The following SGCZ variants were observed in gnomAD, a reference collection of about 807,000 sequenced individuals.
The protein encoded by SGCZ is sarcoglycan zeta.
SGCZ carries 40 observed loss-of-function variants against 41.3 expected under a neutral mutation model. The ratio of observed to expected loss-of-function variants is 0.97; its 90% CI spans 0.75 to 1.26. SGCZ has a LOEUF of 1.26. SGCZ is among the 50% of genes most tolerant of loss of function. The pLI is 0.00. For missense variants in SGCZ, 552 were observed against 369.8 expected, an observed-to-expected ratio of 1.49 and a Z score of -4.04; for synonymous variants, 206 against 137.5, an observed-to-expected ratio of 1.50 and a Z score of -3.49.
chr8:14,334,771 C>T (rs1802454858), intron 2 of SGCZ, among the ~76,000 whole-genome samples: 1 of 152,080 alleles, frequency 6.6e-6, no homozygotes, highest in African/African-American at 2.4e-5. Flanking sequence ...GTTATTTGTA[C>T]ACCCATAGAC....
intron 2 of SGCZ, among the ~76,000 whole-genome samples, chr8:14,334,451 C>A (rs1216236921): frequency 6.6e-6 from 1 of 152,020 alleles, no homozygotes; most frequent in East Asian, 1.9e-4. Flanking sequence ...CAAGTCCAGT[C>A]CTCTCACTCT....
intron 1 of SGCZ, among the ~76,000 whole-genome samples, chr8:15,056,656 G>C (rs968725591): frequency 6.6e-6 from 1 of 151,932 alleles, no homozygotes; most frequent in Admixed American, 6.6e-5. Context: ...CCTAAATAAA[G>C]TTTTCTGCCA....
At position 14,310,503 on chromosome 8, in the gene SGCZ, CT is replaced by C. The variant is rs199862688; in HGVS notation, c.336+13599del. 1.3e-4 allele frequency among the ~76,000 whole-genome samples: 20 copies of C among 151,926 alleles called. No individual in the cohort carries two copies. The East Asian group carries it at 1.5e-3, about 12-fold the overall frequency. On this transcript the variant is annotated intron_variant, in intron 3 of 7. Coordinates refer to ENST00000382080, the MANE Select transcript of SGCZ (RefSeq NM_139167.4). ...AGAATTAGTATGTCTGTTTTTGTAT[CT>C]TTTTTTTATTTTTATTATACTTTAA... is the stretch of plus-strand genomic sequence containing the variant.
intron 1 of SGCZ, among the ~76,000 whole-genome samples, chr8:14,849,843 A>G (rs1247013038): frequency 6.6e-6 from 1 of 152,232 alleles, no homozygotes; most frequent in African/African-American, 2.4e-5. Context: ...TGGAAATTAT[A>G]GCACTCCAAG....
At chr8:14,241,085 C>T (rs547740264) in intron 3 of SGCZ, among the ~76,000 whole-genome samples, 2 of 152,110 alleles carry the variant, frequency 1.3e-5, no homozygotes, top group South Asian at 4.2e-4. Context: ...AGTTTTATGT[C>T]TTTTTTCTTG....
rs180751864 is a variant in SGCZ, at chr8:14,923,842, G to T, written c.39+313743C>A. ...GCACAACTAAAATGAAATTACAGAC[G>T]TTCAACTGTAGGGATCCATTGAGAA... On this transcript the variant is annotated intron_variant, in intron 1 of 7. Coordinates refer to ENST00000382080, the MANE Select transcript of SGCZ (RefSeq NM_139167.4). 5.3e-5 allele frequency among the ~76,000 whole-genome samples: 8 copies of T among 152,226 alleles called. No homozygotes were observed. In the East Asian group the frequency reaches 1.2e-3, roughly 22 times the overall value.
intron 1 of SGCZ, among the ~76,000 whole-genome samples, chr8:14,837,135 C>A (rs373115364): frequency 1.3e-5 from 2 of 152,154 alleles, no homozygotes; most frequent in Non-Finnish European, 2.9e-5. Context: ...ATAAAACAGG[C>A]CTTCTCTGCA....
In SGCZ at chr8:14,998,537, A is replaced by T. The variant is rs1585454305; in HGVS notation, c.39+239048T>A. ...TTCAAACAGTTAACTTTTTCTTAAG[A>T]ATCAATCCCATTTACCATGTGGAGT... On this transcript the variant is annotated intron_variant, in intron 1 of 7. Coordinates refer to ENST00000382080, the MANE Select transcript of SGCZ (RefSeq NM_139167.4). Among the ~76,000 whole-genome samples the T allele has an allele frequency of 2.0e-5, 3 of 152,280 alleles. No individual in the cohort carries two copies. In the East Asian group the frequency reaches 5.8e-4, roughly 29 times the overall value.
At chr8:14,463,406 A>T (rs201558357) in intron 2 of SGCZ, among the ~76,000 whole-genome samples, 2,474 of 65,072 alleles carry the variant, frequency 0.038, 38 homozygotes, top group East Asian at 0.12. Context: ...CAAGTGGTGT[A>T]AAAAAAAAAA....
At chr8:14,148,133 G>A (rs532980876) in intron 5 of SGCZ, among the ~76,000 whole-genome samples, 4 of 151,964 alleles carry the variant, frequency 2.6e-5, no homozygotes, top group Admixed American at 6.6e-5. Flanking sequence ...GTCTAACAAT[G>A]CATCTTAAAG....
chr8:14,660,445 A>T (rs1807710654), intron 1 of SGCZ, among the ~76,000 whole-genome samples: 1 of 151,490 alleles, frequency 6.6e-6, no homozygotes, highest in African/African-American at 2.4e-5. Context: ...GGTGGTGGGC[A>T]CCTGTAATCC....
intron 1 of SGCZ, among the ~76,000 whole-genome samples, chr8:14,729,509 G>A (rs780884325): frequency 1.3e-5 from 2 of 152,170 alleles, no homozygotes; most frequent in Middle Eastern, 3.2e-3. Flanking sequence ...AAGAGGAAGA[G>A]ACATCAGGGA....
chr8:14,943,506 G>T (rs1800343379), intron 1 of SGCZ, among the ~76,000 whole-genome samples: 2 of 152,162 alleles, frequency 1.3e-5, no homozygotes, highest in Non-Finnish European at 2.9e-5. Flanking sequence ...AGATAACTAG[G>T]TGTCTCATAG....
chr8:14,852,829 A>G (rs1277044597), intron 1 of SGCZ, among the ~76,000 whole-genome samples: 1 of 152,174 alleles, frequency 6.6e-6, no homozygotes, highest in African/African-American at 2.4e-5. Context: ...TCTCTGCATC[A>G]AAGTCTTTCC....
In SGCZ at chr8:14,197,151, G is replaced by A. The variant is rs113412129; in HGVS notation, c.425-32449C>T. 2.5e-3 allele frequency among the ~76,000 whole-genome samples: 379 copies of A among 152,170 alleles called. 3 individuals carry two copies. The highest frequency in any genetic ancestry group is 8.7e-3 in the African/African-American group (361 of 41,534). ...TTGTTATAAAATAAAGTTTCCTAAGGAAAGTGAAGGTCCGGATGGCTTTCT... is the reference window on the plus strand; with the variant it reads ...TTGTTATAAAATAAAGTTTCCTAAGAAAAGTGAAGGTCCGGATGGCTTTCT... On this transcript the variant is annotated intron_variant, in intron 4 of 7. Transcript: ENST00000382080.
intron 1 of SGCZ, among the ~76,000 whole-genome samples, chr8:14,937,666 G>C (rs1347361634): frequency 1.3e-5 from 2 of 152,050 alleles, no homozygotes; most frequent in Admixed American, 6.5e-5. Flanking sequence ...CATTACAATA[G>C]AAAATAACAA....
rs148671023 is a variant in SGCZ at position 14,778,838 on chromosome 8, G to A, written c.40-223912C>T. ...GATCAACAATCCCAAGTGATGAAGA[G>A]GATATGAATTAACAGCACTTTACAG... On this transcript the variant is annotated intron_variant, in intron 1 of 7. Coordinates refer to ENST00000382080, the MANE Select transcript of SGCZ (RefSeq NM_139167.4). Among the ~76,000 whole-genome samples the A allele has an allele frequency of 4.0e-3, 613 of 152,292 alleles. 1 individual carries two copies. Among genetic ancestry groups the A allele is most frequent in the South Asian group, 7.5e-3 (36 of 4,826 alleles).
At chr8:15,170,703 G>T (rs566249300) in intron 1 of SGCZ, among the ~76,000 whole-genome samples, 10 of 152,142 alleles carry the variant, frequency 6.6e-5, no homozygotes, top group African/African-American at 9.7e-5. Flanking sequence ...CAGAATAGTC[G>T]ATGTATTTGA....
chr8:14,405,495 C>G (rs1036404558), intron 2 of SGCZ, among the ~76,000 whole-genome samples: 6 of 152,142 alleles, frequency 3.9e-5, no homozygotes, highest in African/African-American at 4.8e-5. Context: ...ATAATATACT[C>G]TCTTTCACAG....
Sources: gnomAD v4.1 joint callset for allele counts (sites outside exome capture counted in the v4.1 genomes callset) on GRCh38, gnomAD v4.1.1 for gene constraint, MANE v1.5 for transcripts, NCBI Gene and HGNC (gene_info 2026-07-23, HGNC 2026-07-21) for gene names.